Variants in F9 observed in about 807,000 individuals in gnomAD.
F9 encodes the protein coagulation factor IX, also known as Christmas factor.
In F9, 2 loss-of-function variants were observed where a neutral mutation model predicts 34.1. The ratio of observed to expected loss-of-function variants is 0.06; its 90% CI spans 0.02 to 0.18. The LOEUF (loss-of-function observed/expected upper bound fraction) is 0.18. Ranked by LOEUF, F9 falls within the 10% of genes least tolerant of loss-of-function variation. The pLI is 1.00. For missense variants in F9, 216 were observed against 345.1 expected, an observed-to-expected ratio of 0.63 and a Z score of 2.96; for synonymous variants, 137 against 118.8, an observed-to-expected ratio of 1.15 and a Z score of -1.00.
At position 139,553,735 on chromosome X, in the gene F9, C is replaced by G. The variant is rs2067322769; in HGVS notation, c.723+2471C>G. Among the ~76,000 whole-genome samples, 3 of 102,550 alleles carry G rather than the reference C, an allele frequency of 2.9e-5. No individual in the cohort carries two copies. In the South Asian group the frequency reaches 1.4e-3, roughly 48 times the overall value. The allele number at this position is 102,550 out of a possible 115,157, so 89.1% of individuals were successfully genotyped here. On this transcript the variant is annotated intron_variant, in intron 6 of 7. Transcript: ENST00000218099. ...GGCTGAGGCAGGAGAATGGCGTGAA[C>G]CGGGGAGGCGGAGCTGGCAGTGAGC...
intron 3 of F9, among the ~76,000 whole-genome samples, chrX:139,540,260 C>G (rs886206455): frequency 5.4e-5 from 6 of 111,812 alleles, no homozygotes; most frequent in Non-Finnish European, 1.1e-4. Flanking sequence ...TCTCCTTTCA[C>G]CTATTCCTTC....
intron 4 of F9, among the ~76,000 whole-genome samples, 169 bp downstream of exon 4, chrX:139,541,358 A>C (rs1375014859): frequency 8.9e-6 from 1 of 111,931 alleles, no homozygotes; most frequent in African/African-American, 3.2e-5. Context: ...TCAAGAAGCT[A>C]CATTAAAATC....
intron 6 of F9, among the ~76,000 whole-genome samples, chrX:139,558,222 T>C (rs1928014836): frequency 8.8e-6 from 1 of 113,725 alleles, no homozygotes; most frequent in Non-Finnish European, 1.9e-5. Flanking sequence ...CCACAGCACA[T>C]TTGGAGGGTG....
intron 5 of F9, among the ~76,000 whole-genome samples, chrX:139,549,715 C>T (rs141373342): frequency 0.016 from 1,800 of 112,329 alleles, 15 homozygotes; most frequent in Non-Finnish European, 0.026. Flanking sequence ...TTCTGGTAAA[C>T]CCACAACCTT....
chrX:139,559,798 A>T (rs1212380055), intron 6 of F9, among the ~76,000 whole-genome samples: 1 of 111,937 alleles, frequency 8.9e-6, no homozygotes, highest in Non-Finnish European at 1.9e-5. Context: ...GTCGTTCAGA[A>T]CTAGTCAGGT....
chrX:139,549,402 C>A (rs938176552), intron 5 of F9, among the ~76,000 whole-genome samples: 13 of 111,091 alleles, frequency 1.2e-4, no homozygotes, highest in Non-Finnish European at 1.9e-4. Flanking sequence ...CCTAATCCTG[C>A]GGCACTAGAG....
intron 1 of F9, among the ~76,000 whole-genome samples, chrX:139,535,948 T>C (rs1927449602): frequency 9.1e-6 from 1 of 110,218 alleles, no homozygotes; most frequent in South Asian, 3.9e-4. Flanking sequence ...TGCAAACCTG[T>C]ACAGCATGTG....
intron 3 of F9, among the ~76,000 whole-genome samples, chrX:139,540,255 T>A (rs1761232343): frequency 8.9e-6 from 1 of 111,862 alleles, no homozygotes; most frequent in Non-Finnish European, 1.9e-5. Context: ...ACTTTTCTCC[T>A]TTCACCTATT....
At position 139,562,545 on chromosome X, in the gene F9, G is replaced by C. The variant is rs1928146464; in HGVS notation, c.*474G>C. 1 of 116,118 alleles carries C rather than the reference G, an allele frequency of 8.6e-6. No individual in the cohort carries two copies. The highest frequency in any genetic ancestry group is 1.8e-5 in the Non-Finnish European group (1 of 55,939). 9.6% of individuals were successfully genotyped at this position (116,118 alleles called of 1,213,427 possible). ...AGAAAGAACACAGGAGTAGCTGAGA[G>C]GCTAAAACTCATCAAAAACACTACT... On this transcript the variant is annotated 3_prime_UTR_variant, in exon 8 of 8. Coordinates refer to ENST00000218099, the MANE Select transcript of F9 (RefSeq NM_000133.4).
At chrX:139,558,426 T>C (rs1460546280) in intron 6 of F9, among the ~76,000 whole-genome samples, 1 of 113,413 alleles carries the variant, frequency 8.8e-6, no homozygotes, top group African/African-American at 3.2e-5. Flanking sequence ...CCTAAGGACA[T>C]GTGGGTGTTA....
chrX:139,537,455 C>T, intron 3 of F9, 69 bp downstream of exon 3: 2 of 884,559 alleles, frequency 2.3e-6, no homozygotes, highest in Non-Finnish European at 3.3e-6. Flanking sequence ...TTTTTCTCTG[C>T]ATAAATAGAT....
At chrX:139,539,977 C>T (rs925529828) in intron 3 of F9, among the ~76,000 whole-genome samples, 4 of 111,641 alleles carry the variant, frequency 3.6e-5, no homozygotes, top group African/African-American at 9.8e-5. Flanking sequence ...CTTTAAAATA[C>T]GACTGATAAT....
At chrX:139,544,225 AAC>A (rs1232818181) in intron 4 of F9, among the ~76,000 whole-genome samples, 1 of 112,055 alleles carries the variant, frequency 8.9e-6, no homozygotes, top group Non-Finnish European at 1.9e-5. Context: ...ATATTGACGG[AAC>A]ACTTTCTACA....
At chrX:139,547,551 G>C (rs1569329741) in intron 4 of F9, 1 of 110,890 alleles carries the variant, frequency 9.0e-6, no homozygotes, top group Non-Finnish European at 1.9e-5. Flanking sequence ...TACTAGATCT[G>C]AACATGTGAT....
chrX:139,540,824 T>C (rs1032016139), intron 3 of F9, among the ~76,000 whole-genome samples: 9 of 112,000 alleles, frequency 8.0e-5, no homozygotes, highest in African/African-American at 2.6e-4. Context: ...TTCCCTTGGA[T>C]TGCATAAACT....
chrX:139,530,926 C>T (rs1886681520), intron 1 of F9, 74 bp downstream of exon 1: 1 of 906,778 alleles, frequency 1.1e-6, no homozygotes, highest in Non-Finnish European at 1.6e-6. Flanking sequence ...CTGTCTTCTT[C>T]ACTAAATTTT....
At chrX:139,536,278 C>T (rs1387368294) in intron 1 of F9, among the ~76,000 whole-genome samples, 1 of 104,098 alleles carries the variant, frequency 9.6e-6, no homozygotes, top group Non-Finnish European at 2.0e-5. Context: ...TATATATGTA[C>T]ACACACACAC....
At chrX:139,548,939 T>TA (rs964084307) in intron 5 of F9, among the ~76,000 whole-genome samples, 7 of 111,916 alleles carry the variant, frequency 6.3e-5, no homozygotes, top group Non-Finnish European at 1.3e-4. Context: ...TGTTGGGTCT[T>TA]AAGCTGAGTT....
At chrX:139,536,472 C>T (rs1040221385) in intron 1 of F9, among the ~76,000 whole-genome samples, 1 of 110,714 alleles carries the variant, frequency 9.0e-6, no homozygotes, top group African/African-American at 3.3e-5. Context: ...TAACACTTGC[C>T]AACCAAAGGT....
Sources: allele counts gnomAD v4.1 joint callset (sites outside exome capture counted in the v4.1 genomes callset), GRCh38; gene constraint gnomAD v4.1.1; transcripts MANE v1.5; gene names NCBI Gene and HGNC (gene_info 2026-07-23, HGNC 2026-07-21).